TMEM135: variants seen among roughly 807,000 people sequenced by gnomAD.
TMEM135 encodes peroxisomal membrane protein 52.
Under a neutral mutation model 60.3 loss-of-function variants are expected in TMEM135, and 30 were observed. The ratio of observed to expected loss-of-function variants is 0.50; its 90% CI spans 0.37 to 0.68. TMEM135 has a LOEUF of 0.68. Ranked by LOEUF, TMEM135 falls within the 30% of genes least tolerant of loss-of-function variation. The pLI is 0.00. For missense variants in TMEM135, 468 were observed against 548.8 expected (o/e 0.85, Z 1.47); for synonymous variants, 190 against 186.7 (o/e 1.02, Z -0.14).
intron 14 of TMEM135, 81 bp from the exon 15 acceptor site, chr11:87,321,120 C>A: frequency 7.6e-7 from 1 of 1,324,190 alleles, no homozygotes; most frequent in Non-Finnish European, 1.0e-6. Flanking sequence ...TCCCATCCCA[C>A]ATAAGATAAG....
intron 3 of TMEM135, among the ~76,000 whole-genome samples, chr11:87,084,622 A>G (rs182997555): frequency 6.6e-6 from 1 of 152,246 alleles, no homozygotes. Flanking sequence ...ACTTTTTTTG[A>G]TAACACCCCT....
rs530312803 is a variant in TMEM135, at chr11:87,247,240, T to C, written c.509+10556T>C. On this transcript the variant is annotated intron_variant, in intron 6 of 14. Coordinates refer to ENST00000305494, the MANE Select transcript of TMEM135 (RefSeq NM_022918.4). ...TTTGTCTCAGAGGAGTACCTGGCCGTGTGAGGTGTCGGTCTGCCCCTACTG... is the reference window on the plus strand; with the variant it reads ...TTTGTCTCAGAGGAGTACCTGGCCGCGTGAGGTGTCGGTCTGCCCCTACTG... Among the ~76,000 whole-genome samples, 14 of 152,274 alleles carry C rather than the reference T, an allele frequency of 9.2e-5. No individual in the cohort carries two copies. In the East Asian group the frequency reaches 2.1e-3, roughly 23 times the overall value.
intron 10 of TMEM135, among the ~76,000 whole-genome samples, chr11:87,310,790 AT>A (rs145529285): frequency 0.092 from 13,893 of 151,162 alleles, 701 homozygotes; most frequent in East Asian, 0.11. Flanking sequence ...AAAAAAATAG[AT>A]TTTTTTTTAA....
At chr11:87,279,547 G>A (rs1022198980) in intron 6 of TMEM135, among the ~76,000 whole-genome samples, 1 of 152,126 alleles carries the variant, frequency 6.6e-6, no homozygotes, top group Non-Finnish European at 1.5e-5. Context: ...GGAGAAACAG[G>A]CTCAGAATGT....
At chr11:87,160,993 A>T (rs1938856117) in intron 5 of TMEM135, among the ~76,000 whole-genome samples, 1 of 152,130 alleles carries the variant, frequency 6.6e-6, no homozygotes, top group Non-Finnish European at 1.5e-5. Flanking sequence ...TCTGCCTCCC[A>T]GGTTCAAGTG....
At chr11:87,270,118 C>G (rs1439041893) in intron 6 of TMEM135, among the ~76,000 whole-genome samples, 1 of 143,746 alleles carries the variant, frequency 7.0e-6, no homozygotes, top group Non-Finnish European at 1.5e-5. Context: ...TTTTTTCATG[C>G]ATCTTTTGGC....
intron 2 of TMEM135, among the ~76,000 whole-genome samples, chr11:87,070,491 G>A (rs897685673): frequency 2.4e-4 from 37 of 151,952 alleles, no homozygotes; most frequent in African/African-American, 8.2e-4. Flanking sequence ...AAAATTAGCC[G>A]GGCGTGGTGG....
In TMEM135 at chr11:87,152,735, G is replaced by A. The variant is rs150013568; in HGVS notation, c.397-4606G>A. On this transcript the variant is annotated intron_variant, in intron 4 of 14. Coordinates refer to ENST00000305494, the MANE Select transcript of TMEM135 (RefSeq NM_022918.4). The stretch of plus-strand genomic sequence containing the variant: ...ATTACAGGCATGAGCCACCGCATCC[G>A]GCCCTTATGTTATTTTTGAGTCTTC... Among the ~76,000 whole-genome samples the A allele has an allele frequency of 2.8e-3, 429 of 152,252 alleles. 3 individuals carry two copies. The highest frequency in any genetic ancestry group is 9.9e-3 in the African/African-American group (410 of 41,556).
Position 87,321,615 on chromosome 11 carries a change from A to T in TMEM135, c.*282A>T. On this transcript the variant is annotated 3_prime_UTR_variant, in exon 15 of 15. Transcript: ENST00000305494. ...ATTATGTCCACAAGCAATATTATAT[A>T]ATCTACGTAGAAGTGTAATAACAAA... is the stretch of plus-strand genomic sequence containing the variant. 3.5e-6 allele frequency: 2 copies of T among 572,950 alleles called. No homozygotes were observed. Among genetic ancestry groups the T allele is most frequent in the Non-Finnish European group, 6.5e-6 (2 of 306,354 alleles). 35.5% of individuals were successfully genotyped at this position (572,950 alleles called of 1,614,324 possible). A position where few individuals can be genotyped will look rare whatever the true frequency, so the allele number is the denominator to read the frequency against.
chr11:87,283,092 T>C (rs371185780), intron 6 of TMEM135, among the ~76,000 whole-genome samples: 6 of 152,122 alleles, frequency 3.9e-5, no homozygotes, highest in African/African-American at 1.4e-4. Flanking sequence ...CCCAGCACTT[T>C]GGGAGGCTGA....
chr11:87,324,954 CT>C lies in TMEM135; in HGVS notation c.*3624del, dbSNP rs1388582199. 6.6e-6 allele frequency: 3 copies of C among 453,868 alleles called. No individual in the cohort carries two copies. The highest frequency in any genetic ancestry group is 1.3e-5 in the Non-Finnish European group (3 of 226,752). 28.1% of individuals were successfully genotyped at this position (453,868 alleles called of 1,614,324 possible). ...AAAAGGAATAAGAAGTGATTATTTT[CT>C]TTAGGGCTGCACTTTGAATGTGATG... On this transcript the variant is annotated 3_prime_UTR_variant, in exon 15 of 15. Transcript: ENST00000305494.
At chr11:87,098,693 A>G (rs960621513) in intron 4 of TMEM135, among the ~76,000 whole-genome samples, 5 of 151,814 alleles carry the variant, frequency 3.3e-5, no homozygotes, top group African/African-American at 9.7e-5. Flanking sequence ...TCTTATATAT[A>G]TATATATTTT....
At chr11:87,212,392 C>T (rs1331315769) in intron 5 of TMEM135, among the ~76,000 whole-genome samples, 1 of 152,050 alleles carries the variant, frequency 6.6e-6, no homozygotes, top group Non-Finnish European at 1.5e-5. Context: ...GGATGAAATA[C>T]AGTTGAATAT....
intron 1 of TMEM135, among the ~76,000 whole-genome samples, chr11:87,047,725 A>G (rs1257597837): frequency 3.3e-5 from 4 of 120,858 alleles, no homozygotes; most frequent in South Asian, 2.8e-4. Context: ...CAAGGCGGCA[A>G]CGAGGCTGGG....
At chr11:87,038,264 G>C in intron 1 of TMEM135, 78 bp downstream of exon 1, 5 of 1,592,066 alleles carry the variant, frequency 3.1e-6, no homozygotes, top group Non-Finnish European at 4.3e-6. Context: ...GCTCCCGAGG[G>C]GCTCTGGGGG....
chr11:87,056,082 G>T (rs1949891965), intron 1 of TMEM135, among the ~76,000 whole-genome samples: 1 of 152,192 alleles, frequency 6.6e-6, no homozygotes, highest in Non-Finnish European at 1.5e-5. Context: ...ACAAGGGTTT[G>T]TGTTGTGGTA....
At chr11:87,106,717 A>G (rs1345982722) in intron 4 of TMEM135, among the ~76,000 whole-genome samples, 1 of 152,154 alleles carries the variant, frequency 6.6e-6, no homozygotes, top group African/African-American at 2.4e-5. Flanking sequence ...TATTTATTCT[A>G]TCTGCTTACT....
In TMEM135 at chr11:87,038,708, TG is replaced by T. The variant is rs112801138; in HGVS notation, c.141+527del. Among the ~76,000 whole-genome samples, 84 of 150,904 alleles carry T rather than the reference TG, an allele frequency of 5.6e-4. 2 individuals are homozygous for T. The highest frequency in any genetic ancestry group is 1.9e-3 in the African/African-American group (80 of 41,090). On this transcript the variant is annotated intron_variant, in intron 1 of 14. Transcript: ENST00000305494. Reference sequence around the variant, plus strand: ...GTTTTGAGATGACAGGATTGTGATTTGGGGGTTTTGCAAGTGTTTTTGCAAG... The same window carrying T: ...GTTTTGAGATGACAGGATTGTGATTTGGGGTTTTGCAAGTGTTTTTGCAAG...
At chr11:87,110,772 A>ATG (rs113927464) in intron 4 of TMEM135, among the ~76,000 whole-genome samples, 85 of 56,076 alleles carry the variant, frequency 1.5e-3, no homozygotes, top group African/African-American at 5.0e-3. Flanking sequence ...GTGTGTGTGT[A>ATG]TGTGTGTGTG....
Sources: allele counts gnomAD v4.1 joint callset (sites outside exome capture counted in the v4.1 genomes callset), GRCh38; gene constraint gnomAD v4.1.1; transcripts MANE v1.5; gene names NCBI Gene and HGNC (gene_info 2026-07-23, HGNC 2026-07-21).